The following ELAVL3 variants were observed in gnomAD, a reference collection of about 807,000 sequenced individuals.
The protein encoded by ELAVL3 is ELAV like RNA binding protein 3, also known as ELAV-like protein 3.
Under a neutral mutation model 34.2 loss-of-function variants are expected in ELAVL3, and 8 were observed. That is an observed-to-expected ratio of 0.23 (90% CI 0.14 to 0.42). The LOEUF is 0.42. Among genes scored for constraint, ELAVL3 ranks in the 10% least tolerant of loss-of-function variants. The pLI is 1.00. For synonymous variants in ELAVL3, 209 were observed against 222.1 expected, an observed-to-expected ratio of 0.94 and a Z score of 0.53; for missense variants, 273 against 518.8, an observed-to-expected ratio of 0.53 and a Z score of 4.60.
intron 3 of ELAVL3, among the ~76,000 whole-genome samples, chr19:11,464,609 C>T (rs887779608): frequency 3.6e-5 from 5 of 140,596 alleles, no homozygotes; most frequent in African/African-American, 1.4e-4. Context: ...ACACATACAC[C>T]ACACACACCA....
At chr19:11,479,654 G>T (rs960651242) in intron 1 of ELAVL3, among the ~76,000 whole-genome samples, 1 of 151,582 alleles carries the variant, frequency 6.6e-6, no homozygotes, top group Non-Finnish European at 1.5e-5. Flanking sequence ...GGCCCTGGGG[G>T]CGGGGCCTAG....
rs756506136 is a variant in ELAVL3 at position 11,458,486 on chromosome 19, C to T, written c.459G>A (p.Thr153=). 6.2e-6 allele frequency: 10 copies of T among 1,614,110 alleles called. No individual in the cohort carries two copies. Among genetic ancestry groups the T allele is most frequent in the Middle Eastern group, 1.6e-4 (1 of 6,062 alleles). Residue 153 remains threonine, a synonymous_variant, in exon 4 of 7, where the codon ACG becomes ACA. Coordinates refer to ENST00000359227, the MANE Select transcript of ELAVL3 (RefSeq NM_001420.4). This position sits in a 1 kb window ranked among gnomAD's most constrained non-coding sequence, Gnocchi z 7.3. ...QLFSQYGRII[T]SRILVDQVTG... ...TGACCTGGTCCACCAGGATGCGGGA[C>T]GTGATGATGCGGCCGTACTGGGAGA...
Position 11,464,147 on chromosome 19 carries a change from C to CTATA in ELAVL3, c.333+2024_333+2025insTATA, listed in dbSNP as rs1157072664. 6.7e-5 allele frequency among the ~76,000 whole-genome samples: 7 copies of CTATA among 104,100 alleles called. No individual in the cohort carries two copies. In the East Asian group the frequency reaches 1.7e-3, roughly 26 times the overall value. The allele number at this position is 104,100 out of a possible 152,430, so 68.3% of individuals were successfully genotyped here. A position where few individuals can be genotyped will look rare whatever the true frequency, so the allele number is the denominator to read the frequency against. ...TGTCTCTCTCTCTCTCTCTCTCTCTCTCTCTATATATATATATATATTTTT... is the reference window on the plus strand; with the variant it reads ...TGTCTCTCTCTCTCTCTCTCTCTCTCTATATCTCTATATATATATATATATTTTT... On this transcript the variant is annotated intron_variant, in intron 3 of 6. Coordinates refer to ENST00000359227, the MANE Select transcript of ELAVL3 (RefSeq NM_001420.4).
intron 3 of ELAVL3, among the ~76,000 whole-genome samples, chr19:11,461,344 G>A (rs1208155499): frequency 1.3e-5 from 2 of 152,132 alleles, no homozygotes; most frequent in African/African-American, 2.4e-5. Context: ...AGCATGGTAG[G>A]GAAGTCCACC....
chr19:11,459,765 C>A (rs1970845726), intron 3 of ELAVL3, among the ~76,000 whole-genome samples: 1 of 151,976 alleles, frequency 6.6e-6, no homozygotes, highest in South Asian at 2.1e-4. Flanking sequence ...AGGCTAAATG[C>A]AGTTATTATT....
At chr19:11,457,870 C>T (rs1042706349) in intron 5 of ELAVL3, among the ~76,000 whole-genome samples, 191 bp downstream of exon 5, 6 of 152,350 alleles carry the variant, frequency 3.9e-5, no homozygotes, top group East Asian at 3.9e-4. Flanking sequence ...GAATGCCAAT[C>T]GTCGCGGCCA....
rs1258450625 is a variant in ELAVL3 at position 11,464,443 on chromosome 19, G to A, written c.333+1729C>T. On this transcript the variant is annotated intron_variant, in intron 3 of 6. Coordinates refer to ENST00000359227, the MANE Select transcript of ELAVL3 (RefSeq NM_001420.4). The stretch of plus-strand genomic sequence containing the variant: ...CTCCCAAAGTGCTGGGATTATAGGC[G>A]TGGGCCACTGTGCCTGGCCACAGCC... 3.3e-5 allele frequency among the ~76,000 whole-genome samples: 5 copies of A among 151,856 alleles called. No individual in the cohort carries two copies. The East Asian group carries it at 9.7e-4, about 29-fold the overall frequency.
intron 5 of ELAVL3, among the ~76,000 whole-genome samples, chr19:11,457,590 C>G (rs1970796889): frequency 6.6e-6 from 1 of 152,204 alleles, no homozygotes; most frequent in Non-Finnish European, 1.5e-5. Context: ...ACTCCAGGTC[C>G]TGGGTTTGAG....
At position 11,458,167 on chromosome 19, in the gene ELAVL3, C is replaced by A; in HGVS notation, c.607G>T (p.Ala203Ser). The change falls in exon 5 of 7, where the codon GCG becomes TCG. Residue 203 changes from alanine (A) to serine (S), a missense_variant. By Grantham distance (99) the Ala-to-Ser change is moderately conservative. This residue lies in a region of ELAVL3 where 102 missense variants were observed against 250.1 expected (regional missense o/e 0.41). Coordinates refer to ENST00000359227, the MANE Select transcript of ELAVL3 (RefSeq NM_001420.4). The surrounding 1 kb of genome is among the most constrained non-coding windows in gnomAD (Gnocchi z 7.3). ...CCCGTCTTCTGACTTGGGTTGTTCGCGAACTTGACTGTGATGGGCTCAGCT... is the reference window on the plus strand; with the variant it reads ...CCCGTCTTCTGACTTGGGTTGTTCGAGAACTTGACTGTGATGGGCTCAGCT... ...GAAEPITVKF[A>S]NNPSQKTGQA... 1 of 1,614,164 alleles carries A rather than the reference C, an allele frequency of 6.2e-7. No homozygotes were observed. The highest frequency in any genetic ancestry group is 8.5e-7 in the Non-Finnish European group (1 of 1,180,038).
chr19:11,479,324 C>G (rs1254470944), intron 1 of ELAVL3, among the ~76,000 whole-genome samples: 1 of 151,972 alleles, frequency 6.6e-6, no homozygotes, highest in Non-Finnish European at 1.5e-5. Flanking sequence ...TCCCAGGGTC[C>G]AGGAGGGGAG....
Position 11,454,412 on chromosome 19 carries a change from G to C in ELAVL3, c.*114C>G, listed in dbSNP as rs547037629. On this transcript the variant is annotated 3_prime_UTR_variant, in exon 7 of 7. Transcript: ENST00000359227. This position sits in a 1 kb window ranked among gnomAD's most constrained non-coding sequence, Gnocchi z 9.2. ...CGCAGGGACGTGGGGCCCTCGCGTC[G>C]TCCGTGGGGCTGCCTGTGCTGTCTC... 3.9e-5 allele frequency: 42 copies of C among 1,084,006 alleles called. No homozygotes were observed. In the East Asian group the frequency reaches 5.0e-4, roughly 13 times the overall value. The allele number at this position is 1,084,006 out of a possible 1,614,324, so 67.1% of individuals were successfully genotyped here.
At position 11,466,178 on chromosome 19, in the gene ELAVL3, G is replaced by A. The variant is rs762700576; in HGVS notation, c.327C>T (p.Thr109=). ...TLNGLKLQTK[T]IKVSYARPSS... is the part of the protein sequence containing the mutation. Reference sequence around the variant, plus strand: ...TGGAGAAGGAGGCACCAACCTTGATGGTCTTCGTCTGTAATTTGAGGCCGT... The same window carrying A: ...TGGAGAAGGAGGCACCAACCTTGATAGTCTTCGTCTGTAATTTGAGGCCGT... The change falls in exon 3 of 7, where the codon ACC becomes ACT. Residue 109 remains threonine, a synonymous_variant. Transcript: ENST00000359227. The surrounding 1 kb of genome is among the most constrained non-coding windows in gnomAD (Gnocchi z 5.0). The A allele has an allele frequency of 1.5e-5, 25 of 1,613,726 alleles. No homozygotes were observed. Among genetic ancestry groups the A allele is most frequent in the Non-Finnish European group, 2.0e-5 (24 of 1,179,804 alleles).
chr19:11,457,253 A>C (rs1384459487), intron 5 of ELAVL3, 105 bp from the exon 6 acceptor site: 6 of 1,237,902 alleles, frequency 4.8e-6, no homozygotes, highest in Non-Finnish European at 5.4e-6. Context: ...CCTGCAGCAG[A>C]GCCCTGCCCC....
chr19:11,457,218 G>GGCCCCCCCCCCCCC, intron 5 of ELAVL3, 70 bp from the exon 6 acceptor site: 1 of 1,468,680 alleles, frequency 6.8e-7, no homozygotes. Context: ...CCGTCGGCCT[G>GGCCCCCCCCCCCCC]CCCTCCCCAC....
Position 11,480,331 on chromosome 19 carries a change from G to T in ELAVL3, c.9+269C>A. The T allele has an allele frequency of 2.5e-6, 1 of 394,056 alleles. No individual in the cohort carries two copies. Among genetic ancestry groups the T allele is most frequent in the Non-Finnish European group, 4.5e-6 (1 of 222,256 alleles). 24.4% of individuals were successfully genotyped at this position (394,056 alleles called of 1,614,324 possible). On this transcript the variant is annotated intron_variant, in intron 1 of 6. Transcript: ENST00000359227. This position sits in a 1 kb window ranked among gnomAD's most constrained non-coding sequence, Gnocchi z 6.8. ...CCTCCCCCATCAGGCCTGCTGGAGA[G>T]GGGGCAATCCCGCCTCCAGGGCGGC...
At chr19:11,468,515 A>G (rs1453018420) in intron 1 of ELAVL3, among the ~76,000 whole-genome samples, 1 of 151,760 alleles carries the variant, frequency 6.6e-6, no homozygotes, top group Admixed American at 6.6e-5. Context: ...CCCAGGTTCA[A>G]GCAATTCTCC....
intron 1 of ELAVL3, among the ~76,000 whole-genome samples, chr19:11,469,986 G>A (rs111677411): frequency 0.011 from 1,742 of 152,248 alleles, 31 homozygotes; most frequent in African/African-American, 0.04. Context: ...GAGGTCGGGA[G>A]GTCAAGGATG....
chr19:11,478,435 G>GT (rs1177918757), intron 1 of ELAVL3, among the ~76,000 whole-genome samples: 1 of 152,166 alleles, frequency 6.6e-6, no homozygotes, highest in East Asian at 1.9e-4. Context: ...CCAGCCTGCA[G>GT]TAAGTGCACA....
At position 11,480,233 on chromosome 19, in the gene ELAVL3, G is replaced by C. The variant is rs1233351849; in HGVS notation, c.9+367C>G. On this transcript the variant is annotated intron_variant, in intron 1 of 6. Coordinates refer to ENST00000359227, the MANE Select transcript of ELAVL3 (RefSeq NM_001420.4). The surrounding 1 kb of genome is among the most constrained non-coding windows in gnomAD (Gnocchi z 6.8). ...TTGGCTTGGCCCAGCACCAGTGATC[G>C]GGCCCTGCGTTTGCCTGGGCGGCCT... 4 of 251,646 alleles carry C rather than the reference G, an allele frequency of 1.6e-5. No individual in the cohort carries two copies. The highest frequency in any genetic ancestry group is 5.5e-5 in the Admixed American group (1 of 18,124). The allele number at this position is 251,646 out of a possible 1,614,324, so 15.6% of individuals were successfully genotyped here.
Sources: allele counts gnomAD v4.1 joint callset (sites outside exome capture counted in the v4.1 genomes callset), GRCh38; gene constraint gnomAD v4.1.1; regional missense constraint gnomAD v4.1.1; non-coding constraint Gnocchi (gnomAD v3.1); transcripts MANE v1.5; gene names NCBI Gene and HGNC (gene_info 2026-07-23, HGNC 2026-07-21).